Variants in EGFR observed in about 807,000 individuals in gnomAD.
EGFR encodes the protein epidermal growth factor receptor, also known as avian erythroblastic leukemia viral (v-erb-b) oncogene homolog.
Under a neutral mutation model 143.0 loss-of-function variants are expected in EGFR, and 58 were observed. The observed-to-expected ratio is 0.41, with a 90% confidence interval of 0.33 to 0.50. The LOEUF (loss-of-function observed/expected upper bound fraction) is 0.50. Among genes scored for constraint, EGFR ranks in the 20% least tolerant of loss-of-function variants. EGFR has a pLI of 0.39. For missense variants in EGFR, 1,307 were observed against 1,579.0 expected, an observed-to-expected ratio of 0.83 and a Z score of 2.92; for synonymous variants, 613 against 594.4, an observed-to-expected ratio of 1.03 and a Z score of -0.45.
At chr7:55,034,027 A>G (rs11981529) in intron 1 of EGFR, among the ~76,000 whole-genome samples, 5,183 of 152,156 alleles carry the variant, frequency 0.034, 306 homozygotes, top group African/African-American at 0.12. Context: ...TCACTAAAGC[A>G]GACATGGCAA....
intron 1 of EGFR, among the ~76,000 whole-genome samples, chr7:55,133,674 G>C (rs1434501824): frequency 6.6e-6 from 1 of 152,136 alleles, no homozygotes; most frequent in Non-Finnish European, 1.5e-5. Context: ...CGGGTTCTGT[G>C]GTGCTGTCGG....
At chr7:55,172,770 GT>G in intron 16 of EGFR, 1 of 1,390,658 alleles carries the variant, frequency 7.2e-7, no homozygotes, top group Non-Finnish European at 9.8e-7. Flanking sequence ...GAGGAAAAGT[GT>G]GCCTGGTAGG....
chr7:55,194,544 G>C (rs907625697), intron 22 of EGFR, among the ~76,000 whole-genome samples: 1 of 152,068 alleles, frequency 6.6e-6, no homozygotes, highest in Non-Finnish European at 1.5e-5. Flanking sequence ...ATCTTTCTTT[G>C]GTCCTCCAGG....
At position 55,060,813 on chromosome 7, in the gene EGFR, G is replaced by A. The variant is rs78707641; in HGVS notation, c.88+41448G>A. On this transcript the variant is annotated intron_variant, in intron 1 of 27. Transcript: ENST00000275493. ...GATACCGTGTGGCCTGAAGAGACAA[G>A]GGCTCAATGCCAACTCTGCCTGTTT... Among the ~76,000 whole-genome samples the A allele has an allele frequency of 1.4e-3, 217 of 152,310 alleles. 1 individual carries two copies. The highest frequency in any genetic ancestry group is 0.011 in the East Asian group (55 of 5,184).
chr7:55,021,703 G>A (rs1348790218), intron 1 of EGFR, among the ~76,000 whole-genome samples: 7 of 152,184 alleles, frequency 4.6e-5, no homozygotes, highest in Non-Finnish European at 7.3e-5. Flanking sequence ...TGTTTAGTGG[G>A]AGTTTTGTTT....
In EGFR at chr7:55,090,116, G is replaced by A. The variant is rs188421475; in HGVS notation, c.89-52170G>A. Among the ~76,000 whole-genome samples the A allele has an allele frequency of 3.9e-5, 6 of 152,106 alleles. No individual in the cohort carries two copies. In the East Asian group the frequency reaches 9.6e-4, roughly 24 times the overall value. ...CCTCAGTAGCTGAGATTACAGGCAC[G>A]TGCCACCACGCCCAGCTAATTTTTA... On this transcript the variant is annotated intron_variant, in intron 1 of 27. Transcript: ENST00000275493.
chr7:55,201,370 T>G lies in EGFR; in HGVS notation c.3114+15T>G, dbSNP rs1245525919. The G allele has an allele frequency of 6.5e-7, 1 of 1,528,258 alleles. No homozygotes were observed. 94.7% of individuals were successfully genotyped at this position (1,528,258 alleles called of 1,614,324 possible). On this transcript the variant is annotated intron_variant, in intron 25 of 27. Coordinates refer to ENST00000275493, the MANE Select transcript of EGFR (RefSeq NM_005228.5). The stretch of plus-strand genomic sequence containing the variant: ...TGAGCTCTCTGGTATGAAATCTCTG[T>G]CTCTCTCTCTCTCTCAAGCTGTGTC...
rs1788178708 is a variant in EGFR at position 55,209,074 on chromosome 7, A to C, written c.*3457A>C. 1 of 151,566 alleles carries C rather than the reference A, an allele frequency of 6.6e-6. No individual in the cohort carries two copies. 9.4% of individuals were successfully genotyped at this position (151,566 alleles called of 1,614,324 possible). On this transcript the variant is annotated 3_prime_UTR_variant, in exon 28 of 28. Transcript: ENST00000275493. ...AGGATGAAGCTGGTGGGTGATGGGAACTCAGCACCTCCCCTCAGGCAGAAA... is the reference window on the plus strand; with the variant it reads ...AGGATGAAGCTGGTGGGTGATGGGACCTCAGCACCTCCCCTCAGGCAGAAA...
intron 1 of EGFR, among the ~76,000 whole-genome samples, chr7:55,119,617 C>G (rs1249228135): frequency 6.6e-6 from 1 of 152,196 alleles, no homozygotes; most frequent in African/African-American, 2.4e-5. Flanking sequence ...AAAGGTATCC[C>G]AAGGATCCCT....
intron 1 of EGFR, 66 bp downstream of exon 1, chr7:55,019,431 C>G (rs1583836795): frequency 1.2e-5 from 13 of 1,077,652 alleles, no homozygotes; most frequent in Non-Finnish European, 1.5e-5. Flanking sequence ...GCAGCCCGCC[C>G]AACCGCGCAC....
chr7:55,155,888 T>C lies in EGFR; in HGVS notation c.948T>C (p.Tyr316=). 1 of 1,613,944 alleles carries C rather than the reference T, an allele frequency of 6.2e-7. No individual in the cohort carries two copies. Among genetic ancestry groups the C allele is most frequent in the Non-Finnish European group, 8.5e-7 (1 of 1,179,994 alleles). ...SCVRACGADS[Y]EMEEDGVRKC... is the part of the protein sequence containing the mutation. ...TCCGAGCCTGTGGGGCCGACAGCTATGAGATGGAGGAAGACGGCGTCCGCA... is the reference window on the plus strand; with the variant it reads ...TCCGAGCCTGTGGGGCCGACAGCTACGAGATGGAGGAAGACGGCGTCCGCA... Residue 316 remains tyrosine, a synonymous_variant, in exon 8 of 28, where the codon TAT becomes TAC. Transcript: ENST00000275493.
rs74952573 is a variant in EGFR at position 55,054,859 on chromosome 7, G to A, written c.88+35494G>A. The stretch of plus-strand genomic sequence containing the variant: ...CCCATGTTTGTGGCTACAGGTCCCC[G>A]TGACCTGCAGAGGCAGAGCACTCAC... On this transcript the variant is annotated intron_variant, in intron 1 of 27. Coordinates refer to ENST00000275493, the MANE Select transcript of EGFR (RefSeq NM_005228.5). 5.9e-5 allele frequency among the ~76,000 whole-genome samples: 9 copies of A among 152,236 alleles called. No individual in the cohort carries two copies. In the East Asian group the frequency reaches 9.7e-4, roughly 16 times the overall value.
At chr7:55,069,584 A>G (rs572060261) in intron 1 of EGFR, among the ~76,000 whole-genome samples, 62 of 152,292 alleles carry the variant, frequency 4.1e-4, no homozygotes, top group Admixed American at 4.1e-3. Flanking sequence ...ACCAGACTCC[A>G]GCTTGGCTTT....
chr7:55,200,767 G>A (rs1316644652), intron 24 of EGFR: 6 of 482,502 alleles, frequency 1.2e-5, no homozygotes, highest in African/African-American at 1.9e-5. Context: ...CCACTTCTTC[G>A]CATCACCCAG....
At chr7:55,096,804 G>A (rs993721452) in intron 1 of EGFR, among the ~76,000 whole-genome samples, 13 of 152,254 alleles carry the variant, frequency 8.5e-5, no homozygotes, top group South Asian at 2.1e-4. Context: ...GGCGCAGAGC[G>A]GTTTGTGCCC....
intron 6 of EGFR, 50 bp downstream of exon 6, chr7:55,152,714 G>A (rs955073578): frequency 2.0e-5 from 30 of 1,510,746 alleles, no homozygotes; most frequent in Non-Finnish European, 2.5e-5. Context: ...GGCTGCACCC[G>A]CCCCACCCAC....
At chr7:55,079,193 G>A (rs1026146033) in intron 1 of EGFR, among the ~76,000 whole-genome samples, 1 of 152,094 alleles carries the variant, frequency 6.6e-6, no homozygotes, top group African/African-American at 2.4e-5. Context: ...ACCACCAGGG[G>A]ACTCGAGATG....
At chr7:55,125,932 A>T (rs1562737539) in intron 1 of EGFR, among the ~76,000 whole-genome samples, 1 of 152,208 alleles carries the variant, frequency 6.6e-6, no homozygotes, top group Non-Finnish European at 1.5e-5. Context: ...CAAGCCTTGC[A>T]GCAGGAACCT....
chr7:55,106,503 C>T (rs891250238), intron 1 of EGFR, among the ~76,000 whole-genome samples: 2 of 152,196 alleles, frequency 1.3e-5, no homozygotes, highest in Non-Finnish European at 2.9e-5. Flanking sequence ...CCTTGGGCAC[C>T]AATATGTCCA....
Sources: gnomAD v4.1 joint callset for allele counts (sites outside exome capture counted in the v4.1 genomes callset) on GRCh38, gnomAD v4.1.1 for gene constraint, MANE v1.5 for transcripts, NCBI Gene and HGNC (gene_info 2026-07-23, HGNC 2026-07-21) for gene names.